Variants in CADPS2 observed in about 807,000 individuals in gnomAD.
CADPS2 encodes the protein calcium dependent secretion activator 2, also known as calcium-dependent secretion activator 2.
CADPS2 carries 93 observed loss-of-function variants against 172.5 expected under a neutral mutation model. The ratio of observed to expected loss-of-function variants is 0.54; its 90% CI spans 0.46 to 0.64. The LOEUF is 0.64. Ranked by LOEUF, CADPS2 falls within the 30% of genes least tolerant of loss-of-function variation. The pLI is 0.00. For missense variants in CADPS2, 1,420 were observed against 1,565.9 expected (o/e 0.91, Z 1.57); for synonymous variants, 546 against 555.2 (o/e 0.98, Z 0.23).
intron 14 of CADPS2, among the ~76,000 whole-genome samples, chr7:122,455,773 T>C (rs2053689629): frequency 6.6e-6 from 1 of 152,170 alleles, no homozygotes; most frequent in African/African-American, 2.4e-5. Flanking sequence ...GTGGCACAAT[T>C]TCAGCTCACT....
In CADPS2 at chr7:122,659,217, G is replaced by A. The variant is rs192345969; in HGVS notation, c.786+4020C>T. Among the ~76,000 whole-genome samples the A allele has an allele frequency of 2.7e-5, 4 of 150,166 alleles. No homozygotes were observed. In the East Asian group the frequency reaches 5.9e-4, roughly 22 times the overall value. On this transcript the variant is annotated intron_variant, in intron 3 of 29. Coordinates refer to ENST00000449022, the MANE Select transcript of CADPS2 (RefSeq NM_017954.11). ...GATTACTATTATTAATAGGCTAAGG[G>A]CCCTAATGTAAAAAGTTGAAAACAT...
At chr7:122,815,871 A>T (rs1801214652) in intron 1 of CADPS2, among the ~76,000 whole-genome samples, 1 of 151,772 alleles carries the variant, frequency 6.6e-6, no homozygotes, top group South Asian at 2.1e-4. Context: ...AGGTTAATTT[A>T]AAAAAAAATT....
chr7:122,491,446 G>A, intron 9 of CADPS2, 26 bp from the exon 10 acceptor site: 1 of 1,326,078 alleles, frequency 7.5e-7, no homozygotes, highest in Non-Finnish European at 1.1e-6. Flanking sequence ...AAAGTTTACA[G>A]ATTAGTCACA....
At chr7:122,681,201 T>C (rs1044974621) in intron 2 of CADPS2, 16 of 631,254 alleles carry the variant, frequency 2.5e-5, no homozygotes, top group African/African-American at 3.7e-5. Flanking sequence ...GTGGGTGCAG[T>C]GCACCAGCAT....
At chr7:122,496,044 C>A (rs917963874) in intron 9 of CADPS2, among the ~76,000 whole-genome samples, 1 of 152,140 alleles carries the variant, frequency 6.6e-6, no homozygotes, top group African/African-American at 2.4e-5. Context: ...GAGATTTATT[C>A]ACCTTTTTAA....
chr7:122,466,008 C>T (rs1297164098), intron 14 of CADPS2, among the ~76,000 whole-genome samples: 5 of 152,088 alleles, frequency 3.3e-5, no homozygotes. Flanking sequence ...TTTTGAAAAA[C>T]TTACTGTGTT....
chr7:122,857,104 C>T (rs1415611166), intron 1 of CADPS2, among the ~76,000 whole-genome samples: 2 of 151,884 alleles, frequency 1.3e-5, no homozygotes, highest in African/African-American at 4.8e-5. Context: ...AGTTTTTGAA[C>T]AGAAAAATAT....
At chr7:122,735,040 T>C (rs1479961865) in intron 2 of CADPS2, among the ~76,000 whole-genome samples, 1 of 152,120 alleles carries the variant, frequency 6.6e-6, no homozygotes, top group Non-Finnish European at 1.5e-5. Flanking sequence ...AAGAGAATCA[T>C]CTGGAAAGCT....
At chr7:122,785,418 A>G (rs1793788057) in intron 1 of CADPS2, among the ~76,000 whole-genome samples, 2 of 152,146 alleles carry the variant, frequency 1.3e-5, no homozygotes, top group African/African-American at 2.4e-5. Context: ...TATTTAGTTT[A>G]AACTGATAAT....
intron 1 of CADPS2, among the ~76,000 whole-genome samples, chr7:122,746,570 C>T (rs1212841115): frequency 6.6e-6 from 1 of 151,960 alleles, no homozygotes; most frequent in Non-Finnish European, 1.5e-5. Flanking sequence ...AGCAGATTGT[C>T]TTGGGCCACA....
intron 3 of CADPS2, among the ~76,000 whole-genome samples, chr7:122,640,134 G>C (rs954627555): frequency 2.0e-5 from 3 of 152,090 alleles, no homozygotes; most frequent in African/African-American, 7.2e-5. Flanking sequence ...AAACCTACAT[G>C]TCATCTTCGA....
At chr7:122,562,812 G>A (rs1259173949) in intron 7 of CADPS2, among the ~76,000 whole-genome samples, 3 of 151,906 alleles carry the variant, frequency 2.0e-5, no homozygotes, top group Non-Finnish European at 2.9e-5. Context: ...AAAATATTTT[G>A]AAATGCTTAA....
rs769387227 is a variant in CADPS2, at chr7:122,702,489, G to A, written c.453+34466C>T. 14 of 1,613,578 alleles carry A rather than the reference G, an allele frequency of 8.7e-6. No individual in the cohort carries two copies. The South Asian group carries it at 9.9e-5, about 11-fold the overall frequency. On this transcript the variant is annotated intron_variant, in intron 2 of 29. Coordinates refer to ENST00000449022, the MANE Select transcript of CADPS2 (RefSeq NM_017954.11). ...TTGGGCCTGCTGAAATTGGTCAAAGGATGACAGGCATTCTGATTCCATCCT... is the reference window on the plus strand; with the variant it reads ...TTGGGCCTGCTGAAATTGGTCAAAGAATGACAGGCATTCTGATTCCATCCT...
chr7:122,493,844 T>A (rs2058517717), intron 9 of CADPS2, among the ~76,000 whole-genome samples: 1 of 148,626 alleles, frequency 6.7e-6, no homozygotes, highest in South Asian at 2.1e-4. Context: ...ATTTGAAGTT[T>A]TCTTTTCTGT....
intron 1 of CADPS2, among the ~76,000 whole-genome samples, chr7:122,842,053 A>C (rs1810683129): frequency 6.6e-6 from 1 of 152,196 alleles, no homozygotes; most frequent in Non-Finnish European, 1.5e-5. Flanking sequence ...AGGCTGGAAA[A>C]GGAGAGATGA....
chr7:122,577,508 A>T (rs1237607430), intron 7 of CADPS2, among the ~76,000 whole-genome samples: 1 of 152,172 alleles, frequency 6.6e-6, no homozygotes, highest in African/African-American at 2.4e-5. Flanking sequence ...TGTTTCTATT[A>T]TTGAATAGTA....
intron 17 of CADPS2, among the ~76,000 whole-genome samples, chr7:122,434,266 T>A (rs753770005): frequency 2.6e-5 from 4 of 152,170 alleles, no homozygotes; most frequent in Non-Finnish European, 4.4e-5. Flanking sequence ...TGTAGGTGTG[T>A]TCTTTCTCCT....
chr7:122,631,053 G>A (rs2076532334), intron 3 of CADPS2, among the ~76,000 whole-genome samples: 1 of 152,062 alleles, frequency 6.6e-6, no homozygotes, highest in African/African-American at 2.4e-5. Flanking sequence ...AAAATAATAT[G>A]CAGTAAGTAC....
At chr7:122,606,882 G>A (rs1194132969) in intron 6 of CADPS2, among the ~76,000 whole-genome samples, 1 of 152,114 alleles carries the variant, frequency 6.6e-6, no homozygotes, top group Admixed American at 6.6e-5. Context: ...CAGGGGAAGA[G>A]GAAAGAGGGC....
Sources: gnomAD v4.1 joint callset for allele counts (sites outside exome capture counted in the v4.1 genomes callset) on GRCh38, gnomAD v4.1.1 for gene constraint, MANE v1.5 for transcripts, NCBI Gene and HGNC (gene_info 2026-07-23, HGNC 2026-07-21) for gene names.